SCAMP1: variants seen among roughly 807,000 people sequenced by gnomAD.
SCAMP1 encodes secretory carrier membrane protein 1.
A neutral mutation model predicts 41.8 loss-of-function variants in SCAMP1; 15 were observed. The observed-to-expected ratio is 0.36, with a 90% CI of 0.24 to 0.55. SCAMP1 has a LOEUF of 0.55. SCAMP1 is among the 20% of genes least tolerant of loss of function. The probability of loss-of-function intolerance (pLI) is 0.86; values close to 1 mark genes in which losing one functional copy is unlikely to be tolerated. For synonymous variants in SCAMP1, 135 were observed against 136.8 expected (o/e 0.99, Z 0.09); for missense variants, 341 against 412.6 (o/e 0.83, Z 1.50).
intron 6 of SCAMP1, among the ~76,000 whole-genome samples, chr5:78,442,128 C>CA (rs200534675): frequency 0.019 from 2,956 of 151,712 alleles, 87 homozygotes; most frequent in African/African-American, 0.061. Flanking sequence ...GACCTTGTCT[C>CA]AAAAAAAGAA....
Position 78,418,918 on chromosome 5 carries a change from A to AT in SCAMP1, c.472+18dup, listed in dbSNP as rs764891092. On this transcript the variant is annotated intron_variant, in intron 5 of 8. Transcript: ENST00000621999. ...CTTGTGGATGTGTGAGTATACAACA[A>AT]TTTACATCTTTGCTTAGAATTTGTA... 5.8e-6 allele frequency: 9 copies of AT among 1,545,786 alleles called. No homozygotes were observed. Among genetic ancestry groups the AT allele is most frequent in the Admixed American group, 4.2e-5 (2 of 47,202 alleles).
chr5:78,434,658 A>G lies in SCAMP1; in HGVS notation c.632+12698A>G, dbSNP rs73133732. Reference sequence around the variant, plus strand: ...TTTTTAACATTTTGTTTTTACATCTATGAGTTTTCTTTTTAAAGGTAAACC... The same window carrying G: ...TTTTTAACATTTTGTTTTTACATCTGTGAGTTTTCTTTTTAAAGGTAAACC... On this transcript the variant is annotated intron_variant, in intron 6 of 8. Transcript: ENST00000621999. 8.4e-3 allele frequency among the ~76,000 whole-genome samples: 1,282 copies of G among 152,102 alleles called. 20 individuals carry two copies. The highest frequency in any genetic ancestry group is 0.029 in the African/African-American group (1,196 of 41,474).
rs528219598 is a variant in SCAMP1 at position 78,427,306 on chromosome 5, T to C, written c.632+5346T>C. On this transcript the variant is annotated intron_variant, in intron 6 of 8. Transcript: ENST00000621999. ...CTTTTGGAAACTAATGGAGAACTTATTCCTTATCATGAGTACTGCACCAGG... is the reference window on the plus strand; with the variant it reads ...CTTTTGGAAACTAATGGAGAACTTACTCCTTATCATGAGTACTGCACCAGG... Among the ~76,000 whole-genome samples the C allele has an allele frequency of 6.0e-4, 91 of 152,228 alleles. 1 individual carries two copies. The highest frequency in any genetic ancestry group is 2.1e-3 in the African/African-American group (88 of 41,536).
intron 1 of SCAMP1, among the ~76,000 whole-genome samples, chr5:78,371,081 A>G (rs1272516133): frequency 3.3e-5 from 5 of 152,124 alleles, no homozygotes; most frequent in Admixed American, 1.3e-4. Context: ...TTTATCAGGT[A>G]TGTGATTTGT....
chr5:78,371,201 G>A (rs915692491), intron 1 of SCAMP1, among the ~76,000 whole-genome samples: 1 of 152,016 alleles, frequency 6.6e-6, no homozygotes, highest in Admixed American at 6.6e-5. Context: ...TTTGTTGTTG[G>A]TGTTTTAGTG....
intron 5 of SCAMP1, among the ~76,000 whole-genome samples, chr5:78,420,846 A>T (rs1195358995): frequency 6.6e-6 from 1 of 152,222 alleles, no homozygotes; most frequent in Non-Finnish European, 1.5e-5. Flanking sequence ...AAGAAATCTT[A>T]AAGTTTGAGA....
chr5:78,403,054 A>T (rs1751838260), intron 2 of SCAMP1, among the ~76,000 whole-genome samples: 1 of 152,040 alleles, frequency 6.6e-6, no homozygotes, highest in South Asian at 2.1e-4. Flanking sequence ...TATTTTTCGT[A>T]GAGGCAGGGT....
At position 78,421,777 on chromosome 5, in the gene SCAMP1, C is replaced by G. The variant is rs1449792914; in HGVS notation, c.473-24C>G. ...AAATTGAATGTAAATCTTTCTTTTT[C>G]TATTTTGTTTTCTGATTCCACAGTC... On this transcript the variant is annotated intron_variant, in intron 5 of 8. Coordinates refer to ENST00000621999, the MANE Select transcript of SCAMP1 (RefSeq NM_004866.6). 1.9e-6 allele frequency: 3 copies of G among 1,565,466 alleles called. No homozygotes were observed. The East Asian group carries it at 6.8e-5, about 36-fold the overall frequency.
At chr5:78,432,328 A>G (rs1393717992) in intron 6 of SCAMP1, among the ~76,000 whole-genome samples, 5 of 152,052 alleles carry the variant, frequency 3.3e-5, no homozygotes, top group Non-Finnish European at 5.9e-5. Context: ...ATGTTTTTGT[A>G]TCATATCATA....
chr5:78,396,461 C>G (rs1751654031), intron 2 of SCAMP1, among the ~76,000 whole-genome samples: 2 of 152,070 alleles, frequency 1.3e-5, no homozygotes, highest in African/African-American at 4.8e-5. Flanking sequence ...AAAAACTGAC[C>G]AGGTTCAGTT....
intron 8 of SCAMP1, among the ~76,000 whole-genome samples, chr5:78,460,695 G>T (rs1421464287): frequency 2.8e-5 from 3 of 106,524 alleles, no homozygotes; most frequent in Non-Finnish European, 6.5e-5. Flanking sequence ...CCTGTAGATT[G>T]TCTCTTTACT....
intron 8 of SCAMP1, among the ~76,000 whole-genome samples, chr5:78,474,210 A>G (rs1355617307): frequency 6.6e-6 from 1 of 152,086 alleles, no homozygotes; most frequent in Non-Finnish European, 1.5e-5. Flanking sequence ...CTTCATGGCA[A>G]AATCACCCCC....
At chr5:78,426,990 A>G (rs1039457950) in intron 6 of SCAMP1, among the ~76,000 whole-genome samples, 64 of 152,204 alleles carry the variant, frequency 4.2e-4, no homozygotes, top group Admixed American at 2.9e-3. Context: ...GGCTCTTTTC[A>G]ACTTTTGGCT....
At chr5:78,378,231 C>T (rs1751113305) in intron 1 of SCAMP1, among the ~76,000 whole-genome samples, 1 of 152,160 alleles carries the variant, frequency 6.6e-6, no homozygotes, top group South Asian at 2.1e-4. Flanking sequence ...TAATGTATAG[C>T]TGTACAATAA....
At chr5:78,460,697 C>G (rs1297761000) in intron 8 of SCAMP1, among the ~76,000 whole-genome samples, 2 of 144,148 alleles carry the variant, frequency 1.4e-5, no homozygotes, top group Admixed American at 1.4e-4. Flanking sequence ...TGTAGATTGT[C>G]TCTTTACTCT....
intron 2 of SCAMP1, among the ~76,000 whole-genome samples, chr5:78,401,831 G>T (rs115213696): frequency 6.6e-6 from 1 of 151,808 alleles, no homozygotes; most frequent in Non-Finnish European, 1.5e-5. Flanking sequence ...TTTTAATTTC[G>T]TTGACTTGTG....
At chr5:78,457,034 A>G (rs1234222751) in intron 7 of SCAMP1, among the ~76,000 whole-genome samples, 2 of 127,002 alleles carry the variant, frequency 1.6e-5, no homozygotes, top group African/African-American at 6.6e-5. Context: ...TTTCAGCTCC[A>G]TCAGCTCCTT....
chr5:78,441,065 G>A (rs1175393114), intron 6 of SCAMP1, among the ~76,000 whole-genome samples: 9 of 152,180 alleles, frequency 5.9e-5, no homozygotes, highest in Admixed American at 5.9e-4. Flanking sequence ...GAAAAGCACA[G>A]TGTTAGGGTG....
chr5:78,460,162 G>A (rs546604757), intron 8 of SCAMP1, among the ~76,000 whole-genome samples: 24 of 152,268 alleles, frequency 1.6e-4, no homozygotes, highest in African/African-American at 5.5e-4. Flanking sequence ...ATTGATGGAC[G>A]CTTAGGTTGA....
Sources: gnomAD v4.1 joint callset for allele counts (sites outside exome capture counted in the v4.1 genomes callset) on GRCh38, gnomAD v4.1.1 for gene constraint, MANE v1.5 for transcripts, NCBI Gene and HGNC (gene_info 2026-07-23, HGNC 2026-07-21) for gene names.